The following EXO1 variants were observed in gnomAD, a reference collection of about 807,000 sequenced individuals.
EXO1 encodes the protein exonuclease 1.
Under a neutral mutation model 84.5 loss-of-function variants are expected in EXO1, and 69 were observed. The observed-to-expected ratio is 0.82, with a 90% CI of 0.67 to 1.00. The LOEUF (loss-of-function observed/expected upper bound fraction) is 1.00. Ranked by LOEUF, EXO1 falls within the 50% of genes least tolerant of loss-of-function variation. EXO1 has a pLI of 0.00. For missense variants in EXO1, 1,045 were observed against 1,000.7 expected, an observed-to-expected ratio of 1.04 and a Z score of -0.60; for synonymous variants, 373 against 366.1, an observed-to-expected ratio of 1.02 and a Z score of -0.21.
At position 241,867,067 on chromosome 1, in the gene EXO1, A is replaced by G; in HGVS notation, c.1267+12A>G. ...AAGACCAAGAAGTGGTACGTATTTC[A>G]GTTTTGCAAAATGCTGGTGAATATT... On this transcript the variant is annotated intron_variant, in intron 11 of 15. Transcript: ENST00000366548. 1.3e-6 allele frequency: 2 copies of G among 1,590,294 alleles called. No homozygotes were observed. Among genetic ancestry groups the G allele is most frequent in the Non-Finnish European group, 1.7e-6 (2 of 1,158,586 alleles).
rs1574127235 is a variant in EXO1, at chr1:241,850,292, A to C, written c.-17-117A>C. ...GAGACTCCGTCTCAAAAAAAAAAAA[A>C]AACAACAAACCAATTTCTGCATTGG... On this transcript the variant is annotated intron_variant, in intron 3 of 15. Transcript: ENST00000366548. 1.4e-5 allele frequency: 11 copies of C among 768,662 alleles called. No homozygotes were observed. In the East Asian group the frequency reaches 1.9e-4, roughly 14 times the overall value. The allele number at this position is 768,662 out of a possible 1,614,324, so 47.6% of individuals were successfully genotyped here.
chr1:241,867,767 A>G lies in EXO1; in HGVS notation c.1267+712A>G, dbSNP rs146977520. ...ATCTTTTTCTGAACTCTGTTATTCTATACCATTGCTCTCCTTACTTATCTT... is the reference window on the plus strand; with the variant it reads ...ATCTTTTTCTGAACTCTGTTATTCTGTACCATTGCTCTCCTTACTTATCTT... On this transcript the variant is annotated intron_variant, in intron 11 of 15. Coordinates refer to ENST00000366548, the MANE Select transcript of EXO1 (RefSeq NM_130398.4). Among the ~76,000 whole-genome samples, 538 of 152,244 alleles carry G rather than the reference A, an allele frequency of 3.5e-3. 1 individual carries two copies. The highest frequency in any genetic ancestry group is 6.1e-3 in the Non-Finnish European group (412 of 67,996).
At chr1:241,858,995 G>A (rs4149903) in intron 8 of EXO1, among the ~76,000 whole-genome samples, 4,214 of 152,138 alleles carry the variant, frequency 0.028, 191 homozygotes, top group African/African-American at 0.097. Flanking sequence ...AATTAAACTC[G>A]GAGTCTTTTG....
intron 11 of EXO1, among the ~76,000 whole-genome samples, chr1:241,868,085 A>T (rs896722434): frequency 6.6e-6 from 1 of 152,010 alleles, no homozygotes; most frequent in African/African-American, 2.4e-5. Context: ...CACAAAAAAA[A>T]TTTTTAAGGC....
At chr1:241,861,172 A>AGG (rs1303159861) in intron 9 of EXO1, among the ~76,000 whole-genome samples, 1 of 152,210 alleles carries the variant, frequency 6.6e-6, no homozygotes, top group East Asian at 1.9e-4. Flanking sequence ...CCTTAAAGGC[A>AGG]GGGAGTCAGT....
intron 4 of EXO1, among the ~76,000 whole-genome samples, chr1:241,851,824 C>T (rs1349605477): frequency 6.6e-6 from 1 of 152,144 alleles, no homozygotes; most frequent in Non-Finnish European, 1.5e-5. Flanking sequence ...ATTGTTGAGA[C>T]AAGTGTACCA....
chr1:241,852,270 A>G, intron 4 of EXO1, 22 bp from the exon 5 acceptor site: 1 of 1,593,818 alleles, frequency 6.3e-7, no homozygotes. Flanking sequence ...GAAGCACTGA[A>G]TGTTTTTCTT....
At chr1:241,850,819 T>TTAAA (rs1660621054) in intron 4 of EXO1, among the ~76,000 whole-genome samples, 2 of 150,052 alleles carry the variant, frequency 1.3e-5, no homozygotes, top group African/African-American at 4.9e-5. Context: ...ACAAAGACTA[T>TTAAA]TAATATCTCC....
At chr1:241,872,966 C>G (rs2148485004) in intron 12 of EXO1, among the ~76,000 whole-genome samples, 1 of 152,256 alleles carries the variant, frequency 6.6e-6, no homozygotes. Flanking sequence ...TTCACACTCC[C>G]ACCAACAGTG....
At chr1:241,864,765 A>G (rs1661610640) in intron 10 of EXO1, among the ~76,000 whole-genome samples, 1 of 152,100 alleles carries the variant, frequency 6.6e-6, no homozygotes, top group Non-Finnish European at 1.5e-5. Flanking sequence ...ATTTTTTTGC[A>G]GGTTAATTTT....
At chr1:241,855,856 C>T (rs1216363054) in intron 6 of EXO1, among the ~76,000 whole-genome samples, 1 of 152,246 alleles carries the variant, frequency 6.6e-6, no homozygotes, top group East Asian at 1.9e-4. Context: ...GCCGACAGGG[C>T]CGGCCGGCTG....
At position 241,861,522 on chromosome 1, in the gene EXO1, C is replaced by T. The variant is rs768730665; in HGVS notation, c.1041+20C>T. The T allele has an allele frequency of 5.6e-6, 7 of 1,246,820 alleles. No individual in the cohort carries two copies. In the Admixed American group the frequency reaches 1.0e-4, roughly 18 times the overall value. The allele number at this position is 1,246,820 out of a possible 1,614,324, so 77.2% of individuals were successfully genotyped here. A position where few individuals can be genotyped will look rare whatever the true frequency, so the allele number is the denominator to read the frequency against. ...GCTATGGTAACGTTTTGATGACCACCCTATGAAAACACGTTTTAGTTATGT... is the reference window on the plus strand; with the variant it reads ...GCTATGGTAACGTTTTGATGACCACTCTATGAAAACACGTTTTAGTTATGT... On this transcript the variant is annotated intron_variant, in intron 10 of 15. Transcript: ENST00000366548.
chr1:241,881,894 T>G, intron 13 of EXO1, 22 bp from the exon 14 acceptor site: 1 of 1,219,930 alleles, frequency 8.2e-7, no homozygotes, highest in Non-Finnish European at 1.2e-6. Flanking sequence ...TTTTATTTTA[T>G]TTTTTGATCT....
intron 12 of EXO1, among the ~76,000 whole-genome samples, chr1:241,872,744 C>T (rs1030318446): frequency 6.6e-6 from 1 of 152,160 alleles, no homozygotes; most frequent in African/African-American, 2.4e-5. Context: ...TTTCTATACC[C>T]AGCCTATCAT....
intron 15 of EXO1, among the ~76,000 whole-genome samples, chr1:241,885,863 TTG>T (rs1386864439): frequency 3.1e-3 from 5 of 1,610 alleles, no homozygotes; most frequent in Non-Finnish European, 0.011. Context: ...TTTTTGTTTT[TTG>T]TTTTTTTGAG....
At chr1:241,875,383 A>G (rs1176928113) in intron 12 of EXO1, among the ~76,000 whole-genome samples, 1 of 152,216 alleles carries the variant, frequency 6.6e-6, no homozygotes, top group Non-Finnish European at 1.5e-5. Flanking sequence ...GAAAGAATGA[A>G]CCACTGGTAG....
chr1:241,880,486 G>C (rs1016712664), intron 13 of EXO1, among the ~76,000 whole-genome samples: 6 of 152,054 alleles, frequency 3.9e-5, no homozygotes, highest in Non-Finnish European at 7.4e-5. Context: ...TTGTCTTCTG[G>C]GCTAACCTTT....
chr1:241,887,620 C>T (rs1635483), intron 15 of EXO1, among the ~76,000 whole-genome samples: 148,046 of 152,270 alleles, frequency 0.97, 72,115 homozygotes, highest in East Asian at 1. Context: ...GCTCTCTTTG[C>T]TCATTTTATT....
intron 10 of EXO1, among the ~76,000 whole-genome samples, chr1:241,864,159 G>C (rs1303087348): frequency 2.6e-5 from 4 of 152,214 alleles, no homozygotes; most frequent in African/African-American, 9.7e-5. Flanking sequence ...GTGTGAATGA[G>C]TGGGGCTTAT....
Sources: allele counts gnomAD v4.1 joint callset (sites outside exome capture counted in the v4.1 genomes callset), GRCh38; gene constraint gnomAD v4.1.1; transcripts MANE v1.5; gene names NCBI Gene and HGNC (gene_info 2026-07-23, HGNC 2026-07-21).